IL1RAPL2: variants seen among roughly 807,000 people sequenced by gnomAD.
IL1RAPL2 encodes the protein interleukin 1 receptor accessory protein like 2.
A neutral mutation model predicts 44.1 loss-of-function variants in IL1RAPL2; 3 were observed. The ratio of observed to expected loss-of-function variants is 0.07; its 90% CI spans 0.03 to 0.18. IL1RAPL2 has a LOEUF of 0.18. Among genes scored for constraint, IL1RAPL2 ranks in the 10% least tolerant of loss-of-function variants. The pLI is 1.00. For missense variants in IL1RAPL2, 391 were observed against 496.4 expected (o/e 0.79, Z 2.02); for synonymous variants, 181 against 178.8 (o/e 1.01, Z -0.10).
chrX:105,658,799 A>C (rs1235011674), intron 6 of IL1RAPL2, among the ~76,000 whole-genome samples: 1 of 84,729 alleles, frequency 1.2e-5, no homozygotes, highest in East Asian at 3.2e-4. Context: ...CTAAAAATAC[A>C]AAAAAAAAAA....
chrX:104,928,362 A>T (rs189312234), intron 2 of IL1RAPL2, among the ~76,000 whole-genome samples: 3 of 111,413 alleles, frequency 2.7e-5, no homozygotes, highest in Admixed American at 9.6e-5. Context: ...GTGTCTTATC[A>T]GTCCCTCATT....
intron 6 of IL1RAPL2, among the ~76,000 whole-genome samples, chrX:105,498,666 C>T (rs1185728613): frequency 9.0e-6 from 1 of 111,666 alleles, no homozygotes; most frequent in Admixed American, 9.5e-5. Flanking sequence ...GTAATCAAAG[C>T]AGTGTGATAC....
At chrX:105,712,468 G>T (rs5962574) in intron 6 of IL1RAPL2, among the ~76,000 whole-genome samples, 13,899 of 110,612 alleles carry the variant, frequency 0.13, 749 homozygotes, top group South Asian at 0.22. Context: ...AGGTTTAATT[G>T]ACTCACAGTT....
intron 2 of IL1RAPL2, among the ~76,000 whole-genome samples, chrX:104,813,566 A>T (rs1276408663): frequency 9.0e-6 from 1 of 111,704 alleles, no homozygotes; most frequent in African/African-American, 3.3e-5. Flanking sequence ...TATCTGCTAT[A>T]TGCCGAGTTT....
At chrX:104,720,374 A>C (rs1368461916) in intron 2 of IL1RAPL2, among the ~76,000 whole-genome samples, 1 of 111,976 alleles carries the variant, frequency 8.9e-6, no homozygotes, top group Non-Finnish European at 1.9e-5. Context: ...AATATCATTA[A>C]AACCTATAAA....
chrX:105,110,806 G>A (rs972458979), intron 2 of IL1RAPL2, among the ~76,000 whole-genome samples: 16 of 110,558 alleles, frequency 1.4e-4, no homozygotes, highest in Admixed American at 3.9e-4. Flanking sequence ...GCATGGTAGC[G>A]TACACCTGTA....
intron 1 of IL1RAPL2, among the ~76,000 whole-genome samples, chrX:104,578,622 T>C (rs1928285276): frequency 9.0e-6 from 1 of 110,851 alleles, no homozygotes; most frequent in African/African-American, 3.3e-5. Context: ...AGATAAGAGG[T>C]GAAGAGAAAC....
intron 1 of IL1RAPL2, among the ~76,000 whole-genome samples, chrX:104,602,727 C>T (rs1191905148): frequency 9.0e-6 from 1 of 111,532 alleles, no homozygotes; most frequent in Non-Finnish European, 1.9e-5. Context: ...GAAGTTTGAA[C>T]TGGGCAGAGC....
At chrX:105,149,654 A>G (rs2033208904) in intron 2 of IL1RAPL2, among the ~76,000 whole-genome samples, 1 of 110,238 alleles carries the variant, frequency 9.1e-6, no homozygotes, top group Non-Finnish European at 1.9e-5. Context: ...CAACATGGCG[A>G]AACCCCATCT....
intron 1 of IL1RAPL2, among the ~76,000 whole-genome samples, chrX:104,637,266 G>GA (rs1191261170): frequency 9.0e-6 from 1 of 111,109 alleles, no homozygotes; most frequent in Non-Finnish European, 1.9e-5. Context: ...CATCAGAAAA[G>GA]AGGGACTATT....
At chrX:104,952,889 GTTC>G (rs1200156585) in intron 2 of IL1RAPL2, among the ~76,000 whole-genome samples, 3 of 112,111 alleles carry the variant, frequency 2.7e-5, no homozygotes, top group African/African-American at 9.7e-5. Flanking sequence ...GCTTAGCAGT[GTTC>G]TTCTGAATCA....
At chrX:104,570,124 A>G (rs929574397) in intron 1 of IL1RAPL2, among the ~76,000 whole-genome samples, 6 of 111,655 alleles carry the variant, frequency 5.4e-5, no homozygotes, top group Non-Finnish European at 3.8e-5. Context: ...ATATAAAAGA[A>G]AAATCATTGC....
At chrX:105,421,691 G>A (rs1271229419) in intron 5 of IL1RAPL2, among the ~76,000 whole-genome samples, 2 of 111,108 alleles carry the variant, frequency 1.8e-5, no homozygotes, top group African/African-American at 3.3e-5. Flanking sequence ...TCAATATAAG[G>A]CACATTACTC....
intron 2 of IL1RAPL2, among the ~76,000 whole-genome samples, chrX:105,015,159 G>GT (rs770150200): frequency 2.7e-4 from 28 of 105,594 alleles, no homozygotes; most frequent in African/African-American, 3.8e-4. Context: ...TTTTGATGGG[G>GT]TTTTTTTTTT....
At chrX:104,643,012 A>G (rs764654011) in intron 1 of IL1RAPL2, among the ~76,000 whole-genome samples, 1 of 112,112 alleles carries the variant, frequency 8.9e-6, no homozygotes, top group Non-Finnish European at 1.9e-5. Flanking sequence ...AAAGGTTATT[A>G]TATAAACTTA....
intron 2 of IL1RAPL2, among the ~76,000 whole-genome samples, chrX:105,031,524 A>G (rs1348265325): frequency 9.0e-6 from 1 of 111,455 alleles, no homozygotes; most frequent in South Asian, 3.7e-4. Context: ...GTCTTTGGTT[A>G]TCTTTATATG....
intron 1 of IL1RAPL2, among the ~76,000 whole-genome samples, chrX:104,621,222 G>T (rs1929391217): frequency 9.4e-6 from 1 of 106,455 alleles, no homozygotes; most frequent in African/African-American, 3.4e-5. Flanking sequence ...AATTAGAGAA[G>T]TATGTACATC....
At chrX:105,352,874 T>C (rs1364839448) in intron 5 of IL1RAPL2, among the ~76,000 whole-genome samples, 2 of 108,802 alleles carry the variant, frequency 1.8e-5, no homozygotes, top group Non-Finnish European at 3.8e-5. Context: ...TCTCCCATTC[T>C]GTAGGTTGCC....
intron 2 of IL1RAPL2, among the ~76,000 whole-genome samples, chrX:104,788,615 G>A (rs1401576532): frequency 9.0e-6 from 1 of 111,595 alleles, no homozygotes; most frequent in African/African-American, 3.3e-5. Flanking sequence ...GGTTCATTGG[G>A]TTCTGAATAT....
Sources: gnomAD v4.1 joint callset for allele counts (sites outside exome capture counted in the v4.1 genomes callset) on GRCh38, gnomAD v4.1.1 for gene constraint, MANE v1.5 for transcripts, NCBI Gene and HGNC (gene_info 2026-07-23, HGNC 2026-07-21) for gene names.